The following ITCH variants were observed in gnomAD, a reference collection of about 807,000 sequenced individuals.
ITCH encodes the protein itchy E3 ubiquitin protein ligase, also known as E3 ubiquitin-protein ligase Itchy homolog.
In ITCH, 28 loss-of-function variants were observed where a neutral mutation model predicts 126.8. The ratio of observed to expected loss-of-function variants is 0.22; its 90% CI spans 0.16 to 0.30. ITCH has a LOEUF of 0.30. Ranked by LOEUF, ITCH falls within the 10% of genes least tolerant of loss-of-function variation. The probability of loss-of-function intolerance (pLI) is 1.00; values close to 1 mark genes in which losing one functional copy is unlikely to be tolerated. For missense variants in ITCH, 631 were observed against 1,032.4 expected (o/e 0.61, Z 5.33); for synonymous variants, 342 against 340.0 (o/e 1.01, Z -0.06).
At position 34,442,948 on chromosome 20, in the gene ITCH, C is replaced by T. The variant is rs113532086; in HGVS notation, c.965+645C>T. Among the ~76,000 whole-genome samples the T allele has an allele frequency of 3.8e-3, 579 of 150,582 alleles. 7 individuals carry two copies. Among genetic ancestry groups the T allele is most frequent in the African/African-American group, 0.014 (559 of 41,044 alleles). On this transcript the variant is annotated intron_variant, in intron 10 of 24. Coordinates refer to ENST00000374864, the MANE Select transcript of ITCH (RefSeq NM_031483.7). ...CCGAGATCTCGCCACTGCACTCCAG[C>T]CTGGGCGACAGAGCAAGACTCTGTC...
intron 2 of ITCH, among the ~76,000 whole-genome samples, chr20:34,375,621 T>C (rs1289211336): frequency 6.6e-6 from 1 of 151,392 alleles, no homozygotes; most frequent in African/African-American, 2.4e-5. Context: ...ATATATACCT[T>C]TTTTGTCAAT....
intron 2 of ITCH, among the ~76,000 whole-genome samples, chr20:34,376,384 C>G (rs2037845674): frequency 2.0e-5 from 3 of 151,960 alleles, no homozygotes; most frequent in Middle Eastern, 3.4e-3. Flanking sequence ...TGTCGCTGCA[C>G]TGATATCATG....
intron 23 of ITCH, among the ~76,000 whole-genome samples, chr20:34,499,045 GCT>G (rs1049543909): frequency 6.7e-6 from 1 of 150,170 alleles, no homozygotes; most frequent in Non-Finnish European, 1.5e-5. Flanking sequence ...CACGATCTCG[GCT>G]CACTGCAACC....
chr20:34,483,203 A>G (rs1988880008), intron 20 of ITCH, among the ~76,000 whole-genome samples: 1 of 152,086 alleles, frequency 6.6e-6, no homozygotes, highest in African/African-American at 2.4e-5. Flanking sequence ...CCCTGTAGAC[A>G]TTTTCCACAT....
intron 6 of ITCH, among the ~76,000 whole-genome samples, chr20:34,415,222 T>G (rs1472248207): frequency 6.6e-6 from 1 of 152,174 alleles, no homozygotes; most frequent in Non-Finnish European, 1.5e-5. Flanking sequence ...TTCTACTTTG[T>G]TGAAAGACTT....
chr20:34,501,551 G>A (rs1310008374), intron 23 of ITCH, among the ~76,000 whole-genome samples: 6 of 152,134 alleles, frequency 3.9e-5, no homozygotes, highest in East Asian at 1.9e-4. Context: ...TGAGGCGGGC[G>A]GATCACCTGA....
At chr20:34,388,592 A>G (rs888107664) in intron 2 of ITCH, among the ~76,000 whole-genome samples, 9 of 152,242 alleles carry the variant, frequency 5.9e-5, no homozygotes, top group East Asian at 1.9e-4. Flanking sequence ...TTGCTCTCAC[A>G]TATCTGTCCA....
At chr20:34,476,840 A>G (rs371959159) in intron 16 of ITCH, 16 of 154,338 alleles carry the variant, frequency 1.0e-4, no homozygotes, top group Middle Eastern at 6.4e-3. Context: ...AGTAATTGAT[A>G]TATGCAGTGC....
chr20:34,485,576 CTTTT>C (rs1185096121), intron 20 of ITCH, among the ~76,000 whole-genome samples: 1 of 152,024 alleles, frequency 6.6e-6, no homozygotes, highest in Non-Finnish European at 1.5e-5. Flanking sequence ...ATTGGGTTGT[CTTTT>C]TATTTGTGAT....
intron 9 of ITCH, 148 bp downstream of exon 9, chr20:34,440,492 T>C: frequency 1.4e-6 from 1 of 693,542 alleles, no homozygotes; most frequent in Non-Finnish European, 2.5e-6. Flanking sequence ...TGGAGTGCTC[T>C]GTCTCCCAGA....
intron 11 of ITCH, among the ~76,000 whole-genome samples, chr20:34,446,411 A>G (rs556009032): frequency 5.9e-5 from 9 of 152,098 alleles, no homozygotes; most frequent in South Asian, 2.1e-4. Flanking sequence ...ATTCTTGTCT[A>G]TTCCTTATAC....
intron 3 of ITCH, 93 bp from the exon 4 acceptor site, chr20:34,408,558 A>T: frequency 2.5e-6 from 3 of 1,213,504 alleles, no homozygotes; most frequent in Admixed American, 3.9e-5. Context: ...CTCTGAGTAA[A>T]TTTAGTAAAT....
chr20:34,363,817 C>T lies in ITCH; in HGVS notation c.-99+468C>T, dbSNP rs535414832. On this transcript the variant is annotated intron_variant, in intron 1 of 24. Coordinates refer to ENST00000374864, the MANE Select transcript of ITCH (RefSeq NM_031483.7). ...CTGGCCTTCTCGAGACTTTTCCGAG[C>T]CCCCAGTCGCTAGAAGGGCCCAGCA... is the stretch of plus-strand genomic sequence containing the variant. Among the ~76,000 whole-genome samples, 342 of 152,226 alleles carry T rather than the reference C, an allele frequency of 2.2e-3. 2 individuals are homozygous for T. Among genetic ancestry groups the T allele is most frequent in the Non-Finnish European group, 3.3e-3 (221 of 67,978 alleles).
At position 34,412,642 on chromosome 20, in the gene ITCH, A is replaced by G. The variant is rs777599294; in HGVS notation, c.337+3A>G. The G allele has an allele frequency of 6.2e-7, 1 of 1,604,342 alleles. No individual in the cohort carries two copies. ...ATTAAAGTCAAACAATATGAAACGT[A>G]TGTATGTAAGACTAATAGAAATTGC... On this transcript the variant is annotated splice_donor_region_variant and intron_variant, in intron 5 of 24. Coordinates refer to ENST00000374864, the MANE Select transcript of ITCH (RefSeq NM_031483.7).
intron 12 of ITCH, among the ~76,000 whole-genome samples, chr20:34,451,977 G>A (rs1225826614): frequency 6.6e-6 from 1 of 151,312 alleles, no homozygotes; most frequent in Non-Finnish European, 1.5e-5. Context: ...GCTGAGGTGG[G>A]AGGATCACCT....
chr20:34,381,261 G>A (rs548791540), intron 2 of ITCH, among the ~76,000 whole-genome samples: 2 of 151,958 alleles, frequency 1.3e-5, no homozygotes, highest in South Asian at 4.1e-4. Flanking sequence ...CTATCTGGAC[G>A]TGGTGGTGTG....
chr20:34,370,907 G>A (rs1005127538), intron 2 of ITCH, among the ~76,000 whole-genome samples: 7 of 152,074 alleles, frequency 4.6e-5, no homozygotes, highest in Admixed American at 2.6e-4. Flanking sequence ...GGTGGCTCAC[G>A]CCTGTAATTC....
chr20:34,413,588 T>G (rs2146173046), intron 5 of ITCH, among the ~76,000 whole-genome samples, 154 bp from the exon 6 acceptor site: 1 of 152,346 alleles, frequency 6.6e-6, no homozygotes, highest in South Asian at 2.1e-4. Context: ...GTCAAAAGTG[T>G]TCAAACCTTG....
At position 34,442,355 on chromosome 20, in the gene ITCH, TA is replaced by T. The variant is rs756308324; in HGVS notation, c.965+53del. 8.9e-6 allele frequency: 11 copies of T among 1,239,888 alleles called. No homozygotes were observed. The South Asian group carries it at 1.1e-4, about 12-fold the overall frequency. The allele number at this position is 1,239,888 out of a possible 1,614,324, so 76.8% of individuals were successfully genotyped here. ...ATTTTATTTAGTCAGAATTGTGGATTACAACTGTATAATCTTCCCTACATTT... is the reference window on the plus strand; with the variant it reads ...ATTTTATTTAGTCAGAATTGTGGATTCAACTGTATAATCTTCCCTACATTT... On this transcript the variant is annotated intron_variant, in intron 10 of 24. Transcript: ENST00000374864.
Sources: allele counts gnomAD v4.1 joint callset (sites outside exome capture counted in the v4.1 genomes callset), GRCh38; gene constraint gnomAD v4.1.1; transcripts MANE v1.5; gene names NCBI Gene and HGNC (gene_info 2026-07-23, HGNC 2026-07-21).